SUGCT: variants seen among roughly 807,000 people sequenced by gnomAD.
SUGCT encodes the protein succinyl-CoA:glutarate CoA-transferase.
Under a neutral mutation model 55.0 loss-of-function variants are expected in SUGCT, and 41 were observed. That is an observed-to-expected ratio of 0.74 (90% CI 0.58 to 0.97). SUGCT has a LOEUF of 0.97. SUGCT is among the 50% of genes least tolerant of loss of function. The pLI is 0.00. For missense variants in SUGCT, 568 were observed against 547.8 expected, an observed-to-expected ratio of 1.04 and a Z score of -0.37; for synonymous variants, 187 against 200.4, an observed-to-expected ratio of 0.93 and a Z score of 0.56.
chr7:40,156,248 G>A (rs1783890390), intron 1 of SUGCT, among the ~76,000 whole-genome samples: 1 of 152,134 alleles, frequency 6.6e-6, no homozygotes, highest in Non-Finnish European at 1.5e-5. Flanking sequence ...CGGATCACGA[G>A]GTCAGGAGAT....
intron 12 of SUGCT, among the ~76,000 whole-genome samples, chr7:40,501,038 T>G (rs1365534011): frequency 6.6e-6 from 1 of 152,168 alleles, no homozygotes; most frequent in Non-Finnish European, 1.5e-5. Flanking sequence ...ATATTCTTGT[T>G]TCTAATACTG....
intron 12 of SUGCT, among the ~76,000 whole-genome samples, chr7:40,686,210 G>A (rs1297383714): frequency 6.6e-6 from 1 of 152,110 alleles, no homozygotes. Context: ...GCAGTAAGAT[G>A]TACAGGTTAG....
chr7:40,682,440 G>C (rs1435752440), intron 12 of SUGCT, among the ~76,000 whole-genome samples: 1 of 152,182 alleles, frequency 6.6e-6, no homozygotes, highest in Non-Finnish European at 1.5e-5. Flanking sequence ...ACAACCTGGG[G>C]CTTGTGACTG....
chr7:40,395,101 G>C (rs1429169444), intron 9 of SUGCT, among the ~76,000 whole-genome samples: 2 of 152,118 alleles, frequency 1.3e-5, no homozygotes, highest in Non-Finnish European at 2.9e-5. Context: ...TCATAGGCCA[G>C]GTAGGCACAG....
At chr7:40,952,046 A>C in the SUGCT span, among the ~76,000 whole-genome samples, 2 of 152,166 alleles carry the variant, frequency 1.3e-5, no homozygotes, top group African/African-American at 4.8e-5. Flanking sequence ...TAATGTTGGC[A>C]GTGGGGTGTT....
intron 10 of SUGCT, among the ~76,000 whole-genome samples, chr7:40,451,953 T>C (rs1228891154): frequency 6.6e-6 from 1 of 152,238 alleles, no homozygotes; most frequent in Non-Finnish European, 1.5e-5. Flanking sequence ...TGTTCTTTCG[T>C]CAAGTACACT....
the SUGCT span, among the ~76,000 whole-genome samples, chr7:41,034,860 G>T: frequency 4.6e-5 from 7 of 152,284 alleles, no homozygotes; most frequent in South Asian, 1.4e-3. Context: ...GGTGATGGGG[G>T]TATCACTTAA....
At chr7:40,515,197 C>T (rs1583874323) in intron 12 of SUGCT, among the ~76,000 whole-genome samples, 2 of 152,198 alleles carry the variant, frequency 1.3e-5, no homozygotes, top group African/African-American at 4.8e-5. Flanking sequence ...GCCACACCCA[C>T]ACCCACCCTC....
chr7:40,895,026 C>G, the SUGCT span, among the ~76,000 whole-genome samples: 1 of 152,126 alleles, frequency 6.6e-6, no homozygotes, highest in African/African-American at 2.4e-5. Flanking sequence ...TTCATTGCAG[C>G]ACTATTCACA....
chr7:40,170,747 C>T (rs1345466050), intron 1 of SUGCT, among the ~76,000 whole-genome samples: 1 of 152,002 alleles, frequency 6.6e-6, no homozygotes, highest in Non-Finnish European at 1.5e-5. Context: ...TAACAGCTTG[C>T]CCAACATTGC....
chr7:40,390,377 T>C (rs571933506), intron 9 of SUGCT, among the ~76,000 whole-genome samples: 172 of 152,302 alleles, frequency 1.1e-3, no homozygotes, highest in African/African-American at 4.0e-3. Flanking sequence ...ACTGTATATT[T>C]AGAAAACCCC....
At chr7:40,250,831 T>A (rs10227353) in intron 7 of SUGCT, among the ~76,000 whole-genome samples, 3 of 37,940 alleles carry the variant, frequency 7.9e-5, no homozygotes, top group African/African-American at 1.7e-4. Context: ...CACGCTTCTT[T>A]TTTTTTTTTT....
intron 7 of SUGCT, among the ~76,000 whole-genome samples, chr7:40,250,828 C>CT (rs67372014): frequency 0.051 from 6,211 of 120,820 alleles, 968 homozygotes; most frequent in African/African-American, 0.21. Context: ...TTTCACGCTT[C>CT]TTTTTTTTTT....
the SUGCT span, among the ~76,000 whole-genome samples, chr7:41,035,947 A>G: frequency 6.6e-6 from 1 of 152,170 alleles, no homozygotes; most frequent in Non-Finnish European, 1.5e-5. Context: ...CTGACTCCTC[A>G]GGGGGAGCAG....
intron 1 of SUGCT, among the ~76,000 whole-genome samples, chr7:40,174,716 A>G (rs1195845866): frequency 6.6e-6 from 1 of 152,248 alleles, no homozygotes; most frequent in Non-Finnish European, 1.5e-5. Flanking sequence ...AATTTCTGCC[A>G]TGAACATTTT....
At chr7:40,470,641 A>G (rs1321442047) in intron 11 of SUGCT, among the ~76,000 whole-genome samples, 1 of 152,054 alleles carries the variant, frequency 6.6e-6, no homozygotes, top group Non-Finnish European at 1.5e-5. Context: ...CTGATTATCA[A>G]TGTCTTTTCC....
At chr7:40,157,845 TA>T (rs796342302) in intron 1 of SUGCT, among the ~76,000 whole-genome samples, 5 of 152,312 alleles carry the variant, frequency 3.3e-5, no homozygotes, top group African/African-American at 1.2e-4. Context: ...ATCTCATTGA[TA>T]AAGGGAGAAT....
At chr7:40,821,319 GA>G (rs1241307737) in intron 13 of SUGCT, among the ~76,000 whole-genome samples, 1 of 152,126 alleles carries the variant, frequency 6.6e-6, no homozygotes, top group African/African-American at 2.4e-5. Flanking sequence ...CTATTGATTG[GA>G]ATAGTTTCAG....
intron 13 of SUGCT, among the ~76,000 whole-genome samples, chr7:40,837,123 T>G (rs1793025274): frequency 6.6e-6 from 1 of 152,218 alleles, no homozygotes; most frequent in Non-Finnish European, 1.5e-5. Flanking sequence ...ATTCCTTATT[T>G]TAGTCATTCT....
Sources: gnomAD v4.1 joint callset for allele counts (sites outside exome capture counted in the v4.1 genomes callset) on GRCh38, gnomAD v4.1.1 for gene constraint, MANE v1.5 for transcripts, NCBI Gene and HGNC (gene_info 2026-07-23, HGNC 2026-07-21) for gene names.